MAPK13: variants seen among roughly 807,000 people sequenced by gnomAD.
MAPK13 encodes mitogen-activated protein kinase 13.
Under a neutral mutation model 53.5 loss-of-function variants are expected in MAPK13, and 39 were observed. The ratio of observed to expected loss-of-function variants is 0.73; its 90% CI spans 0.56 to 0.95. The LOEUF (loss-of-function observed/expected upper bound fraction) is 0.95. Among genes scored for constraint, MAPK13 ranks in the 40% least tolerant of loss-of-function variants. The pLI is 0.00. For missense variants in MAPK13, 460 were observed against 471.8 expected (o/e 0.98, Z 0.23); for synonymous variants, 179 against 190.9 (o/e 0.94, Z 0.51).
intron 4 of MAPK13, 55 bp from the exon 5 acceptor site, chr6:36,135,964 A>G: frequency 6.2e-7 from 1 of 1,611,086 alleles, no homozygotes; most frequent in Non-Finnish European, 8.5e-7. Context: ...GCCAGCCTGA[A>G]GTGCCTGGTG....
At chr6:36,138,524 G>C in intron 9 of MAPK13, 80 bp downstream of exon 9, 1 of 1,445,784 alleles carries the variant, frequency 6.9e-7, no homozygotes. Flanking sequence ...GGCCTTTGTG[G>C]AAGAAGGCTC....
At chr6:36,134,519 A>C (rs1376812196) in intron 3 of MAPK13, among the ~76,000 whole-genome samples, 7 of 152,122 alleles carry the variant, frequency 4.6e-5, no homozygotes, top group Non-Finnish European at 1.0e-4. Flanking sequence ...CAGCCCCCCA[A>C]GTAGGTGGGA....
rs779402785 is a variant in MAPK13 at position 36,132,646 on chromosome 6, C to T, written c.275C>T (p.Thr92Ile). The T allele has an allele frequency of 8.1e-6, 13 of 1,614,090 alleles. No individual in the cohort carries two copies. In the African/African-American group the frequency reaches 1.5e-4, roughly 18 times the overall value. Residue 92 changes from threonine (T) to isoleucine (I), a missense_variant, in exon 3 of 12, where the codon ACC becomes ATC. Thr to Ile is a moderately conservative substitution (Grantham distance 89). Coordinates refer to ENST00000211287, the MANE Select transcript of MAPK13 (RefSeq NM_002754.5). ...ENVIGLLDVF[T>I]PASSLRNFYD... ...GTCATTGGGCTCCTGGATGTCTTCA[C>T]CCCAGCCTCCTCCCTGCGCAACTTC... is the stretch of plus-strand genomic sequence containing the variant.
In MAPK13 at chr6:36,136,654, A is replaced by C; in HGVS notation, c.496-2A>C. ...CTTTTCTATTTATCCCCTGTGCCAT[A>C]GATTCTGGATTTTGGGCTGGCGCGA... On this transcript the variant is annotated splice_acceptor_variant, in intron 6 of 11. Transcript: ENST00000211287. LOFTEE classifies it high-confidence loss of function. The C allele has an allele frequency of 3.7e-6, 6 of 1,613,502 alleles. No homozygotes were observed. Among genetic ancestry groups the C allele is most frequent in the Non-Finnish European group, 5.1e-6 (6 of 1,179,714 alleles).
At chr6:36,131,424 G>C (rs576164111) in intron 2 of MAPK13, 24 bp downstream of exon 2, 3 of 1,603,134 alleles carry the variant, frequency 1.9e-6, no homozygotes, top group South Asian at 1.1e-5. Context: ...GCCCCGGGGA[G>C]GGGGTGGGGG....
At chr6:36,138,095 GGA>G (rs1766455483) in intron 8 of MAPK13, among the ~76,000 whole-genome samples, 1 of 152,154 alleles carries the variant, frequency 6.6e-6, no homozygotes, top group South Asian at 2.1e-4. Context: ...GAGAAGACGA[GGA>G]AACAGAAAAG....
In MAPK13 at chr6:36,139,681, T is replaced by C. The variant is rs965463095; in HGVS notation, c.*308T>C. ...GGCCGGGGGCCTATGGCAGTGATGC[T>C]GTGTTGGTTTCCTAGGGATGCTCTA... On this transcript the variant is annotated 3_prime_UTR_variant, in exon 12 of 12. Transcript: ENST00000211287. 14 of 370,540 alleles carry C rather than the reference T, an allele frequency of 3.8e-5. No individual in the cohort carries two copies. Among genetic ancestry groups the C allele is most frequent in the Middle Eastern group, 7.4e-4 (1 of 1,344 alleles). 23.0% of individuals were successfully genotyped at this position (370,540 alleles called of 1,614,324 possible). A position where few individuals can be genotyped will look rare whatever the true frequency, so the allele number is the denominator to read the frequency against.
chr6:36,138,892 G>C lies in MAPK13; in HGVS notation c.855G>C (p.Leu285=). ...PRASPQAADL[L]EKMLELDVDK... ...CTGCCCCTGCAGCTGCGGACCTGCT[G>C]GAGAAGATGCTGGAGCTAGACGTGG... The change falls in exon 11 of 12, where the codon CTG becomes CTC. Residue 285 remains leucine (L), a synonymous_variant. Transcript: ENST00000211287. 1 of 1,610,724 alleles carries C rather than the reference G, an allele frequency of 6.2e-7. No homozygotes were observed. The highest frequency in any genetic ancestry group is 8.5e-7 in the Non-Finnish European group (1 of 1,178,504).
chr6:36,131,114 T>G, intron 1 of MAPK13, 157 bp from the exon 2 acceptor site: 1 of 797,386 alleles, frequency 1.3e-6, no homozygotes, highest in Non-Finnish European at 1.9e-6. Flanking sequence ...CCTGCCTGGC[T>G]TCCTACTCCC....
At chr6:36,137,734 G>T (rs1454131356) in intron 8 of MAPK13, among the ~76,000 whole-genome samples, 1 of 151,810 alleles carries the variant, frequency 6.6e-6, no homozygotes, top group Non-Finnish European at 1.5e-5. Context: ...GCCATGGCAG[G>T]CGGATCACCT....
chr6:36,132,781 G>A lies in MAPK13; in HGVS notation c.308+102G>A, dbSNP rs537504505. 7 of 1,245,066 alleles carry A rather than the reference G, an allele frequency of 5.6e-6. No individual in the cohort carries two copies. In the East Asian group the frequency reaches 1.4e-4, roughly 25 times the overall value. The allele number at this position is 1,245,066 out of a possible 1,614,324, so 77.1% of individuals were successfully genotyped here. On this transcript the variant is annotated intron_variant, in intron 3 of 11. Transcript: ENST00000211287. ...AGGGTTTCTATTCCGGGTGTGGCGG[G>A]GAGAGCCTCCTTCCCTGGCAGTCCT...
chr6:36,136,079 G>A (rs1335957370), intron 5 of MAPK13, 31 bp downstream of exon 5: 1 of 1,613,718 alleles, frequency 6.2e-7, no homozygotes, highest in Admixed American at 1.7e-5. Context: ...GGTCCTCAGA[G>A]GCCCCTGTCC....
rs1405928203 is a variant in MAPK13 at position 36,138,428 on chromosome 6, A to G, written c.746A>G (p.Lys249Arg). 6.2e-7 allele frequency: 1 copy of G among 1,614,038 alleles called. No individual in the cohort carries two copies. Among genetic ancestry groups the G allele is most frequent in the Non-Finnish European group, 8.5e-7 (1 of 1,179,996 alleles). Residue 249 changes from lysine (K) to arginine (R), a missense_variant, in exon 9 of 12, where the codon AAG (lysine) becomes AGG (arginine). Physicochemically the swap from Lys to Arg is conservative, Grantham distance 26. Coordinates refer to ENST00000211287, the MANE Select transcript of MAPK13 (RefSeq NM_002754.5). ...GTGCCTGGCACGGAGTTTGTGCAGA[A>G]GCTGAACGACAAAGCGGTGGGTGGT... Reference protein sequence around the residue: ...TGVPGTEFVQKLNDKAAKSYI... With the variant: ...TGVPGTEFVQRLNDKAAKSYI...
chr6:36,131,583 G>A (rs1199622094), intron 2 of MAPK13, among the ~76,000 whole-genome samples, 183 bp downstream of exon 2: 11 of 152,196 alleles, frequency 7.2e-5, no homozygotes, highest in Admixed American at 7.2e-4. Flanking sequence ...TTTCCAGGAA[G>A]AGGTCAAAGG....
intron 1 of MAPK13, 100 bp from the exon 2 acceptor site, chr6:36,131,171 T>TC: frequency 7.1e-7 from 1 of 1,400,616 alleles, no homozygotes; most frequent in Non-Finnish European, 9.7e-7. Context: ...GTGGGCCTAG[T>TC]CCCCTCTCAG....
At chr6:36,137,033 T>C in intron 8 of MAPK13, 83 bp downstream of exon 8, 1 of 1,237,414 alleles carries the variant, frequency 8.1e-7, no homozygotes, top group Non-Finnish European at 1.2e-6. Flanking sequence ...GTCTTTTTTT[T>C]CTTAATGTGA....
intron 8 of MAPK13, 82 bp from the exon 9 acceptor site, chr6:36,138,283 G>T: frequency 9.7e-7 from 1 of 1,032,888 alleles, no homozygotes; most frequent in Non-Finnish European, 1.5e-6. Context: ...CATGGTGCCC[G>T]GGTGAAGTGA....
intron 5 of MAPK13, 32 bp downstream of exon 5, chr6:36,136,080 G>A (rs767918225): frequency 6.8e-6 from 11 of 1,613,612 alleles, no homozygotes; most frequent in Non-Finnish European, 9.3e-6. Context: ...GTCCTCAGAG[G>A]CCCCTGTCCC....
intron 3 of MAPK13, among the ~76,000 whole-genome samples, chr6:36,133,669 A>C (rs556968063): frequency 3.2e-4 from 48 of 152,364 alleles, no homozygotes; most frequent in African/African-American, 1.1e-3. Context: ...TTGCAAATAA[A>C]TATGAACCTC....
Sources: gnomAD v4.1 joint callset for allele counts (sites outside exome capture counted in the v4.1 genomes callset) on GRCh38, gnomAD v4.1.1 for gene constraint, MANE v1.5 for transcripts, NCBI Gene and HGNC (gene_info 2026-07-23, HGNC 2026-07-21) for gene names.